LARP4: variants seen among roughly 807,000 people sequenced by gnomAD.
LARP4 encodes la-related protein 4.
Under a neutral mutation model 92.9 loss-of-function variants are expected in LARP4, and 29 were observed. The ratio of observed to expected loss-of-function variants is 0.31; its 90% confidence interval spans 0.23 to 0.43. The LOEUF (loss-of-function observed/expected upper bound fraction) is 0.43, where lower values mean the gene tolerates loss of function less well. LARP4 is among the 20% of genes least tolerant of loss of function. The probability of loss-of-function intolerance (pLI) is 1.00; values close to 1 mark genes in which losing one functional copy is unlikely to be tolerated. For missense variants in LARP4, 732 were observed against 860.0 expected (o/e 0.85, Z 1.86); for synonymous variants, 279 against 284.1 (o/e 0.98, Z 0.18).
In LARP4 at chr12:50,440,650, A is replaced by G. The variant is rs925072964; in HGVS notation, c.750+101A>G. 1.5e-4 allele frequency: 113 copies of G among 752,338 alleles called. No individual in the cohort carries two copies. In the Admixed American group the frequency reaches 2.5e-3, roughly 16 times the overall value. 46.6% of individuals were successfully genotyped at this position (752,338 alleles called of 1,614,324 possible). ...TGTGTGTTTACACTGATGTTTATCA[A>G]GACTAGTGAGTACCTTGGTCACCCT... On this transcript the variant is annotated intron_variant, in intron 7 of 15. Transcript: ENST00000398473.
chr12:50,454,264 C>G, intron 9 of LARP4, 50 bp from the exon 10 acceptor site: 1 of 1,392,772 alleles, frequency 7.2e-7, no homozygotes, highest in South Asian at 1.2e-5. Flanking sequence ...ACCCTCACAC[C>G]AGATTTTACC....
intron 1 of LARP4, among the ~76,000 whole-genome samples, chr12:50,419,329 C>T (rs1166950051): frequency 6.6e-6 from 1 of 152,118 alleles, no homozygotes; most frequent in African/African-American, 2.4e-5. Flanking sequence ...GGTGCCACTG[C>T]ACTTCAGCCT....
At chr12:50,456,962 T>C (rs1954373848) in intron 10 of LARP4, among the ~76,000 whole-genome samples, 1 of 152,138 alleles carries the variant, frequency 6.6e-6, no homozygotes, top group African/African-American at 2.4e-5. Flanking sequence ...CACCGGGCTG[T>C]AGTGTAGTGG....
At chr12:50,461,914 C>T (rs1035036451) in intron 11 of LARP4, among the ~76,000 whole-genome samples, 3 of 152,010 alleles carry the variant, frequency 2.0e-5, no homozygotes, top group Non-Finnish European at 4.4e-5. Context: ...GCCAAGGTTG[C>T]ACCACTGCAT....
Position 50,437,778 on chromosome 12 carries a change from A to G in LARP4, c.579A>G (p.Arg193=). The G allele has an allele frequency of 6.2e-7, 1 of 1,612,406 alleles. No homozygotes were observed. Among genetic ancestry groups the G allele is most frequent in the Non-Finnish European group, 8.5e-7 (1 of 1,178,782 alleles). Residue 193 remains arginine, a synonymous_variant, in exon 6 of 16, where the codon AGA becomes AGG. Transcript: ENST00000398473. ...TTGATGAGAAGGGTGAGAAAGTGAG[A>G]CCAAGTCATAAGCGTTGTATTGTAA... ...VQVDEKGEKV[R]PSHKRCIVIL...
chr12:50,413,080 G>A (rs1371308818), intron 1 of LARP4, among the ~76,000 whole-genome samples: 6 of 151,902 alleles, frequency 3.9e-5, no homozygotes, highest in South Asian at 4.2e-4. Flanking sequence ...AAAATTAGCC[G>A]GACGTGGTGG....
At position 50,464,549 on chromosome 12, in the gene LARP4, G is replaced by A. The variant is rs549609280; in HGVS notation, c.1383+1919G>A. Among the ~76,000 whole-genome samples the A allele has an allele frequency of 1.4e-4, 21 of 152,104 alleles. No homozygotes were observed. In the East Asian group the frequency reaches 2.1e-3, roughly 15 times the overall value. ...TGGGTCTACAGTCACCTGCCACCAC[G>A]TCTGGCTAATTTTTTGTATTTTTAG... On this transcript the variant is annotated intron_variant, in intron 12 of 15. Transcript: ENST00000398473.
intron 13 of LARP4, among the ~76,000 whole-genome samples, chr12:50,471,781 C>T (rs1344407525): frequency 1.3e-5 from 2 of 152,178 alleles, no homozygotes; most frequent in Non-Finnish European, 1.5e-5. Context: ...CCTCGGCCTC[C>T]CAAAGTGCTA....
At chr12:50,471,223 G>A (rs1282129894) in intron 13 of LARP4, among the ~76,000 whole-genome samples, 1 of 152,176 alleles carries the variant, frequency 6.6e-6, no homozygotes, top group East Asian at 1.9e-4. Context: ...TGGCCTTGCG[G>A]GTCTTAGTTT....
At chr12:50,442,914 G>A (rs1951443737) in intron 8 of LARP4, among the ~76,000 whole-genome samples, 1 of 152,188 alleles carries the variant, frequency 6.6e-6, no homozygotes, top group African/African-American at 2.4e-5. Context: ...CCATATTACA[G>A]ATGAGGCTGT....
intron 14 of LARP4, 67 bp downstream of exon 14, chr12:50,473,603 C>T: frequency 6.5e-7 from 1 of 1,533,806 alleles, no homozygotes; most frequent in Admixed American, 1.8e-5. Context: ...TGGTGGCTCT[C>T]ACCTGTAATC....
intron 3 of LARP4, 43 bp from the exon 4 acceptor site, chr12:50,430,452 A>T (rs138162098): frequency 9.2e-7 from 1 of 1,081,378 alleles, no homozygotes; most frequent in African/African-American, 1.6e-5. Context: ...CACCTCTACT[A>T]ACATGCTATT....
rs1248303390 is a variant in LARP4, at chr12:50,479,100, G to C, written c.*3236G>C. The C allele has an allele frequency of 6.6e-6, 1 of 152,554 alleles. No homozygotes were observed. Among genetic ancestry groups the C allele is most frequent in the Non-Finnish European group, 1.5e-5 (1 of 68,016 alleles). The allele number at this position is 152,554 out of a possible 1,614,324, so 9.5% of individuals were successfully genotyped here. ...AAGAAGAACAAAAAGAATGTTGCTG[G>C]AACGTAAAATAGTATTTAAAAGTTA... On this transcript the variant is annotated 3_prime_UTR_variant, in exon 16 of 16. Coordinates refer to ENST00000398473, the MANE Select transcript of LARP4 (RefSeq NM_052879.5).
intron 1 of LARP4, among the ~76,000 whole-genome samples, chr12:50,414,543 T>C (rs1399166547): frequency 6.6e-6 from 1 of 152,180 alleles, no homozygotes; most frequent in Non-Finnish European, 1.5e-5. Flanking sequence ...GGTTAGGCGA[T>C]CCCTCAGCCT....
intron 8 of LARP4, among the ~76,000 whole-genome samples, chr12:50,450,802 C>T (rs1317581523): frequency 6.6e-6 from 1 of 152,078 alleles, no homozygotes; most frequent in African/African-American, 2.4e-5. Context: ...TGCCTGGCTG[C>T]CTTGTCTCCT....
At chr12:50,411,681 T>A (rs117735161) in intron 1 of LARP4, among the ~76,000 whole-genome samples, 4,130 of 151,280 alleles carry the variant, frequency 0.027, 103 homozygotes, top group Non-Finnish European at 0.041. Flanking sequence ...TTTTTGTTTT[T>A]TCTTTTTTCT....
chr12:50,418,185 G>GT (rs1555228453), intron 1 of LARP4, among the ~76,000 whole-genome samples: 1 of 151,936 alleles, frequency 6.6e-6, no homozygotes, highest in Non-Finnish European at 1.5e-5. Context: ...TTATTAGAGA[G>GT]TGTCAGTGTT....
intron 1 of LARP4, among the ~76,000 whole-genome samples, chr12:50,413,129 A>G (rs917693292): frequency 4.6e-5 from 7 of 152,040 alleles, no homozygotes; most frequent in African/African-American, 9.7e-5. Context: ...AGGCTGAGGC[A>G]GGAGACTCCC....
At chr12:50,403,496 A>G (rs1944252715) in intron 1 of LARP4, among the ~76,000 whole-genome samples, 1 of 152,248 alleles carries the variant, frequency 6.6e-6, no homozygotes, top group African/African-American at 2.4e-5. Context: ...ATTTTAAAAT[A>G]TTTTGATAAC....
Sources: gnomAD v4.1 joint callset for allele counts (sites outside exome capture counted in the v4.1 genomes callset) on GRCh38, gnomAD v4.1.1 for gene constraint, MANE v1.5 for transcripts, NCBI Gene and HGNC (gene_info 2026-07-23, HGNC 2026-07-21) for gene names.